The following TBCK variants were observed in gnomAD, a reference collection of about 807,000 sequenced individuals.
TBCK encodes the protein TBC domain-containing protein kinase-like protein.
Under a neutral mutation model 113.4 loss-of-function variants are expected in TBCK, and 99 were observed. That is an observed-to-expected ratio of 0.87 (90% CI 0.74 to 1.03). The LOEUF (loss-of-function observed/expected upper bound fraction) is 1.03, where lower values mean the gene tolerates loss of function less well. Among genes scored for constraint, TBCK ranks in the 50% least tolerant of loss-of-function variants. TBCK has a pLI of 0.00. For synonymous variants in TBCK, 369 were observed against 370.8 expected (o/e 1.00, Z 0.05); for missense variants, 1,045 against 1,061.3 (o/e 0.98, Z 0.21).
intron 5 of TBCK, among the ~76,000 whole-genome samples, chr4:106,256,362 A>G (rs1387788103): frequency 6.6e-6 from 1 of 152,138 alleles, no homozygotes; most frequent in Non-Finnish European, 1.5e-5. Context: ...GCCCCCCTTC[A>G]GACTCCCTCC....
At chr4:106,118,379 G>A (rs751363870) in intron 23 of TBCK, among the ~76,000 whole-genome samples, 15 of 152,162 alleles carry the variant, frequency 9.9e-5, no homozygotes, top group Non-Finnish European at 1.8e-4. Context: ...AAATAGAAAT[G>A]GAAATTGCTA....
intron 17 of TBCK, 34 bp from the exon 18 acceptor site, chr4:106,231,813 T>A: frequency 6.4e-7 from 1 of 1,574,782 alleles, no homozygotes; most frequent in Non-Finnish European, 8.7e-7. Context: ...AGAAGTCAAA[T>A]AAATATAATC....
chr4:106,292,344 C>T (rs12500775), intron 3 of TBCK, among the ~76,000 whole-genome samples: 2 of 151,736 alleles, frequency 1.3e-5, no homozygotes, highest in African/African-American at 2.4e-5. Flanking sequence ...GGCTGAGGTG[C>T]GTGGATCATG....
intron 24 of TBCK, among the ~76,000 whole-genome samples, chr4:106,101,248 C>T (rs1011969332): frequency 4.6e-5 from 7 of 152,114 alleles, no homozygotes; most frequent in Admixed American, 2.6e-4. Flanking sequence ...CAAATCGGAG[C>T]TCTTTAACAG....
intron 25 of TBCK, among the ~76,000 whole-genome samples, chr4:106,070,179 T>C (rs557296804): frequency 6.6e-6 from 1 of 152,276 alleles, no homozygotes; most frequent in African/African-American, 2.4e-5. Context: ...AACACTATGT[T>C]GAATAGGAGT....
At chr4:106,160,197 C>T (rs936877622) in intron 23 of TBCK, among the ~76,000 whole-genome samples, 1 of 152,012 alleles carries the variant, frequency 6.6e-6, no homozygotes, top group Non-Finnish European at 1.5e-5. Flanking sequence ...AGGGCAAAAG[C>T]TTCATGATAC....
intron 23 of TBCK, among the ~76,000 whole-genome samples, chr4:106,120,013 G>A (rs995854283): frequency 2.0e-4 from 30 of 152,164 alleles, no homozygotes; most frequent in Non-Finnish European, 7.4e-5. Context: ...CAGCCTGAGC[G>A]ACGCAGAAGA....
chr4:106,106,412 C>T (rs1443019507), intron 24 of TBCK, among the ~76,000 whole-genome samples: 1 of 152,108 alleles, frequency 6.6e-6, no homozygotes, highest in Non-Finnish European at 1.5e-5. Flanking sequence ...AGGTCACCTA[C>T]AAAGGGATTC....
At chr4:106,258,709 C>T (rs1483230312) in intron 5 of TBCK, among the ~76,000 whole-genome samples, 1 of 151,880 alleles carries the variant, frequency 6.6e-6, no homozygotes, top group Non-Finnish European at 1.5e-5. Context: ...CTTTCTTACA[C>T]AAATTGATTT....
intron 19 of TBCK, among the ~76,000 whole-genome samples, chr4:106,229,966 G>A (rs1320253086): frequency 6.6e-6 from 1 of 151,826 alleles, no homozygotes; most frequent in African/African-American, 2.4e-5. Context: ...ATGCATGCAT[G>A]GGAAATGAGA....
intron 13 of TBCK, 40 bp downstream of exon 13, chr4:106,236,719 G>A: frequency 8.3e-7 from 1 of 1,209,384 alleles, no homozygotes; most frequent in Non-Finnish European, 1.1e-6. Context: ...AATATAAATA[G>A]AAAGAAAAAT....
chr4:106,267,815 T>C (rs1362833037), intron 3 of TBCK, among the ~76,000 whole-genome samples: 2 of 152,006 alleles, frequency 1.3e-5, no homozygotes, highest in Non-Finnish European at 2.9e-5. Flanking sequence ...AAAGGCAATT[T>C]ACTGTCTTCA....
At chr4:106,126,189 G>A (rs1303468293) in intron 23 of TBCK, among the ~76,000 whole-genome samples, 2 of 152,146 alleles carry the variant, frequency 1.3e-5, no homozygotes, top group African/African-American at 2.4e-5. Flanking sequence ...TCTCTGTGAA[G>A]AAGGCCTTTC....
chr4:106,203,154 A>C (rs1579225142), intron 20 of TBCK, among the ~76,000 whole-genome samples: 1 of 152,090 alleles, frequency 6.6e-6, no homozygotes, highest in East Asian at 1.9e-4. Flanking sequence ...GAAGAACCAG[A>C]AATCAGCTAG....
chr4:106,198,940 G>C (rs1424101638), intron 20 of TBCK, among the ~76,000 whole-genome samples: 1 of 152,056 alleles, frequency 6.6e-6, no homozygotes, highest in Non-Finnish European at 1.5e-5. Flanking sequence ...ATTCTCTGCA[G>C]GAGAATGATA....
intron 7 of TBCK, among the ~76,000 whole-genome samples, 166 bp downstream of exon 7, chr4:106,250,252 C>A (rs1761279670): frequency 6.6e-6 from 1 of 151,938 alleles, no homozygotes; most frequent in African/African-American, 2.4e-5. Flanking sequence ...TAGAAGGGAC[C>A]TCATATGCTG....
chr4:106,131,126 T>A (rs915375961), intron 23 of TBCK, among the ~76,000 whole-genome samples: 12 of 152,110 alleles, frequency 7.9e-5, no homozygotes, highest in Non-Finnish European at 1.2e-4. Flanking sequence ...TCTCACGAGA[T>A]CTGATGGGTT....
intron 22 of TBCK, among the ~76,000 whole-genome samples, chr4:106,188,734 C>G (rs1753319592): frequency 6.6e-6 from 1 of 152,150 alleles, no homozygotes; most frequent in South Asian, 2.1e-4. Context: ...TTTTTCATTA[C>G]AGTTCCCAAT....
rs1432601979 is a variant in TBCK, at chr4:106,252,021, T to C, written c.456-14A>G. ...TACGAGGGATACCTGTAATGATACA[T>C]TAAAATAATGAAAAATTACAACAGG... On this transcript the variant is annotated splice_polypyrimidine_tract_variant and intron_variant, in intron 5 of 25. Transcript: ENST00000394708. 18 of 1,573,458 alleles carry C rather than the reference T, an allele frequency of 1.1e-5. No homozygotes were observed. Among genetic ancestry groups the C allele is most frequent in the African/African-American group, 2.7e-5 (2 of 73,368 alleles).
Sources: allele counts gnomAD v4.1 joint callset (sites outside exome capture counted in the v4.1 genomes callset), GRCh38; gene constraint gnomAD v4.1.1; transcripts MANE v1.5; gene names NCBI Gene and HGNC (gene_info 2026-07-23, HGNC 2026-07-21).